TENM3: variants seen among roughly 807,000 people sequenced by gnomAD.
TENM3 encodes the protein teneurin-3.
A neutral mutation model predicts 255.1 loss-of-function variants in TENM3; 63 were observed. The observed-to-expected ratio is 0.25, with a 90% confidence interval of 0.20 to 0.30. The LOEUF is 0.30. TENM3 is among the 10% of genes least tolerant of loss of function. TENM3 has a pLI of 1.00. For missense variants in TENM3, 2,929 were observed against 3,461.1 expected, an observed-to-expected ratio of 0.85 and a Z score of 3.86; for synonymous variants, 1,306 against 1,322.3, an observed-to-expected ratio of 0.99 and a Z score of 0.27.
At chr4:182,231,627 C>G (rs1477988830) in intron 1 of TENM3, among the ~76,000 whole-genome samples, 1 of 152,172 alleles carries the variant, frequency 6.6e-6, no homozygotes. Flanking sequence ...ATGTTCCTGC[C>G]TCTCGCCCCA....
intron 1 of TENM3, among the ~76,000 whole-genome samples, chr4:182,175,821 C>T (rs1472620393): frequency 1.3e-5 from 2 of 152,176 alleles, no homozygotes; most frequent in East Asian, 1.9e-4. Context: ...TTTTGCATGT[C>T]GTGTGCACGT....
the TENM3 span, among the ~76,000 whole-genome samples, chr4:181,907,163 T>C: frequency 1.3e-5 from 2 of 152,206 alleles, no homozygotes; most frequent in Non-Finnish European, 2.9e-5. Context: ...AACTCACTTT[T>C]AATAGAAATC....
Position 182,799,892 on chromosome 4 carries a change from C to G in TENM3, c.7641C>G (p.His2547Gln). Residue 2547 changes from histidine (H) to glutamine (Q), a missense_variant, in exon 28 of 28, where the codon CAC becomes CAG. Physicochemically the swap from His to Gln is conservative, Grantham distance 24. Coordinates refer to ENST00000511685, the MANE Select transcript of TENM3 (RefSeq NM_001080477.4). This position sits in a 1 kb window ranked among gnomAD's most constrained non-coding sequence, Gnocchi z 4.2. ...LHFTIEGKDT[H>Q]YFIKTTTPES... ...TCACCATCGAGGGCAAGGACACGCACTACTTCATCAAGACCACCACGCCCG... is the reference window on the plus strand; with the variant it reads ...TCACCATCGAGGGCAAGGACACGCAGTACTTCATCAAGACCACCACGCCCG... 1 of 1,609,942 alleles carries G rather than the reference C, an allele frequency of 6.2e-7. No individual in the cohort carries two copies.
At chr4:181,990,343 G>A in the TENM3 span, among the ~76,000 whole-genome samples, 1 of 152,076 alleles carries the variant, frequency 6.6e-6, no homozygotes, top group African/African-American at 2.4e-5. Context: ...TAAACTACGT[G>A]CATACGATTT....
At chr4:182,506,197 C>G (rs191887983) in intron 3 of TENM3, among the ~76,000 whole-genome samples, 115 of 152,270 alleles carry the variant, frequency 7.6e-4, no homozygotes, top group Middle Eastern at 3.4e-3. Context: ...CATATGACCC[C>G]GAAACCATGT....
chr4:182,383,231 C>T (rs982627278), intron 3 of TENM3, among the ~76,000 whole-genome samples: 6 of 152,016 alleles, frequency 3.9e-5, no homozygotes, highest in African/African-American at 1.5e-4. Flanking sequence ...AGGCCAAGGA[C>T]TTATACATCA....
At chr4:182,252,124 AG>A (rs747299392) in intron 1 of TENM3, among the ~76,000 whole-genome samples, 5 of 151,990 alleles carry the variant, frequency 3.3e-5, no homozygotes, top group South Asian at 2.1e-4. Context: ...TGGAGGTTGC[AG>A]TGAGTCAAGA....
At chr4:181,823,278 T>C in the TENM3 span, among the ~76,000 whole-genome samples, 1 of 152,174 alleles carries the variant, frequency 6.6e-6, no homozygotes, top group African/African-American at 2.4e-5. Flanking sequence ...TTTTCCAGGA[T>C]AGACCTTAAT....
the TENM3 span, among the ~76,000 whole-genome samples, chr4:181,967,270 C>T: frequency 6.6e-6 from 1 of 152,148 alleles, no homozygotes; most frequent in Non-Finnish European, 1.5e-5. Flanking sequence ...CCAGCACAGC[C>T]ACCCATGTGT....
At chr4:181,791,678 G>A in the TENM3 span, among the ~76,000 whole-genome samples, 2 of 152,216 alleles carry the variant, frequency 1.3e-5, no homozygotes, top group African/African-American at 4.8e-5. Context: ...TCAGAGCTAT[G>A]TTGAATGTGA....
chr4:182,474,338 C>G (rs921765277), intron 3 of TENM3, among the ~76,000 whole-genome samples: 31 of 152,156 alleles, frequency 2.0e-4, no homozygotes, highest in African/African-American at 6.5e-4. Context: ...AGCATTTGCT[C>G]TCTATGCATT....
In TENM3 at chr4:182,161,824, T is replaced by C. The variant is rs1243783081; in HGVS notation, c.-76+17070T>C. The stretch of plus-strand genomic sequence containing the variant: ...ATATACACATATATATGTATATATA[T>C]ACACATATATATGTGTATATATACA... On this transcript the variant is annotated intron_variant, in intron 1 of 2. Transcript: ENST00000512480. Among the ~76,000 whole-genome samples the C allele has an allele frequency of 8.8e-4, 30 of 34,120 alleles. 2 individuals are homozygous for C. Among genetic ancestry groups the C allele is most frequent in the Admixed American group, 3.0e-3 (5 of 1,684 alleles). 22.4% of individuals were successfully genotyped at this position (34,120 alleles called of 152,430 possible).
chr4:182,241,805 C>A (rs1205870675), upstream of TENM3, among the ~76,000 whole-genome samples: 2 of 152,062 alleles, frequency 1.3e-5, no homozygotes, highest in Non-Finnish European at 2.9e-5. Context: ...CTGGGCCCGG[C>A]TTTCCTTTTC....
At chr4:181,852,748 C>G in the TENM3 span, among the ~76,000 whole-genome samples, 37 of 152,238 alleles carry the variant, frequency 2.4e-4, no homozygotes, top group African/African-American at 8.7e-4. Context: ...CACATATCAT[C>G]TCATGTAATT....
chr4:182,763,426 G>A (rs902396793), intron 22 of TENM3, among the ~76,000 whole-genome samples: 8 of 152,144 alleles, frequency 5.3e-5, no homozygotes, highest in East Asian at 1.9e-4. Context: ...TTAGCTGGGC[G>A]TGGTGGCGGG....
intron 1 of TENM3, among the ~76,000 whole-genome samples, chr4:182,273,704 C>T (rs1759803385): frequency 6.6e-6 from 1 of 152,190 alleles, no homozygotes; most frequent in Admixed American, 6.5e-5. Flanking sequence ...AGAGCTTGGC[C>T]TACCCTATTC....
chr4:181,964,659 G>A, the TENM3 span, among the ~76,000 whole-genome samples: 213 of 151,512 alleles, frequency 1.4e-3, no homozygotes, highest in African/African-American at 4.9e-3. Flanking sequence ...TCTTCTTCTC[G>A]TCTATATGAC....
the TENM3 span, among the ~76,000 whole-genome samples, chr4:182,118,866 T>C: frequency 6.6e-6 from 1 of 152,214 alleles, no homozygotes; most frequent in Non-Finnish European, 1.5e-5. Flanking sequence ...AATACTTTGT[T>C]GAAGATTTTT....
chr4:182,130,621 G>A, the TENM3 span, among the ~76,000 whole-genome samples: 2 of 151,596 alleles, frequency 1.3e-5, no homozygotes, highest in African/African-American at 4.8e-5. Flanking sequence ...TGAATGAACT[G>A]GAATGGCTCA....
Sources: allele counts gnomAD v4.1 joint callset (sites outside exome capture counted in the v4.1 genomes callset), GRCh38; gene constraint gnomAD v4.1.1; non-coding constraint Gnocchi (gnomAD v3.1); transcripts MANE v1.5; gene names NCBI Gene and HGNC (gene_info 2026-07-23, HGNC 2026-07-21).